The following LDLRAD4 variants were observed in gnomAD, a reference collection of about 807,000 sequenced individuals.
LDLRAD4 encodes the protein low density lipoprotein receptor class A domain containing 4.
Under a neutral mutation model 17.0 loss-of-function variants are expected in LDLRAD4, and 5 were observed. That is an observed-to-expected ratio of 0.29 (90% CI 0.15 to 0.62). The LOEUF is 0.62. LDLRAD4 is among the 20% of genes least tolerant of loss of function. The pLI, the probability that LDLRAD4 is intolerant of heterozygous loss-of-function variation, is 0.84. For synonymous variants in LDLRAD4, 168 were observed against 171.8 expected, an observed-to-expected ratio of 0.98 and a Z score of 0.17; for missense variants, 340 against 424.7, an observed-to-expected ratio of 0.80 and a Z score of 1.75.
At chr18:13,317,350 A>C (rs1402569897) in intron 1 of LDLRAD4, among the ~76,000 whole-genome samples, 1 of 152,204 alleles carries the variant, frequency 6.6e-6, no homozygotes, top group Non-Finnish European at 1.5e-5. Flanking sequence ...CACATCCCCA[A>C]AGCAATTTGG....
chr18:13,619,670 A>G lies in LDLRAD4; in HGVS notation c.182-1447A>G, dbSNP rs558964383. 2.0e-5 allele frequency among the ~76,000 whole-genome samples: 3 copies of G among 152,252 alleles called. No individual in the cohort carries two copies. In the East Asian group the frequency reaches 5.8e-4, roughly 29 times the overall value. On this transcript the variant is annotated intron_variant, in intron 3 of 5. Transcript: ENST00000359446. The stretch of plus-strand genomic sequence containing the variant: ...ACAGGCCACGGGGAACCCAAGAGCA[A>G]CAGCACCCCCTTGGCTGGGGCGGGG...
At chr18:13,304,403 G>C (rs574075463) in intron 1 of LDLRAD4, among the ~76,000 whole-genome samples, 1 of 152,328 alleles carries the variant, frequency 6.6e-6, no homozygotes, top group South Asian at 2.1e-4. Flanking sequence ...ATGGGAGATG[G>C]CCCTCTTGGT....
chr18:13,233,085 G>T (rs780171523), intron 1 of LDLRAD4, among the ~76,000 whole-genome samples: 4 of 152,244 alleles, frequency 2.6e-5, no homozygotes, highest in Admixed American at 6.5e-5. Flanking sequence ...TCTGCTTGTC[G>T]CCACACACAG....
intron 1 of LDLRAD4, among the ~76,000 whole-genome samples, chr18:13,363,313 C>T (rs1599684001): frequency 1.7e-5 from 2 of 118,772 alleles, no homozygotes; most frequent in Admixed American, 2.2e-4. Context: ...ACCTGGGCGA[C>T]AGAGCAAGAC....
chr18:13,378,525 GAGA>G (rs2085100633), intron 1 of LDLRAD4, among the ~76,000 whole-genome samples: 1 of 152,144 alleles, frequency 6.6e-6, no homozygotes, highest in African/African-American at 2.4e-5. Flanking sequence ...ATGATTTTCC[GAGA>G]AGGAGATGTA....
At chr18:13,358,781 C>G (rs981963883) in intron 1 of LDLRAD4, among the ~76,000 whole-genome samples, 40 of 152,086 alleles carry the variant, frequency 2.6e-4, no homozygotes, top group African/African-American at 9.7e-4. Context: ...TACCATATTT[C>G]CAGCTGGAAA....
At chr18:13,293,870 C>T (rs1281825497) in intron 1 of LDLRAD4, among the ~76,000 whole-genome samples, 3 of 152,132 alleles carry the variant, frequency 2.0e-5, no homozygotes, top group Non-Finnish European at 4.4e-5. Flanking sequence ...CTTTAGGTTC[C>T]AGAAAACGCT....
At position 13,473,663 on chromosome 18, in the gene LDLRAD4, ATATATATATATATAT is replaced by A. The variant is rs1568213834; in HGVS notation, c.181+35280_181+35294del. Among the ~76,000 whole-genome samples the A allele has an allele frequency of 6.5e-4, 71 of 109,588 alleles. No individual in the cohort carries two copies. The South Asian group carries it at 9.4e-3, about 14-fold the overall frequency. 71.9% of individuals were successfully genotyped at this position (109,588 alleles called of 152,430 possible). A position where few individuals can be genotyped will look rare whatever the true frequency, so the allele number is the denominator to read the frequency against. ...TATATATATATATATATATATATATATATATATATATATATAACGTTTACATTTTATATATATTTA... is the reference window on the plus strand; with the variant it reads ...TATATATATATATATATATATATATAAACGTTTACATTTTATATATATTTA... On this transcript the variant is annotated intron_variant, in intron 3 of 5. Coordinates refer to ENST00000359446, the Ensembl canonical transcript of LDLRAD4.
At chr18:13,347,447 A>G (rs2082758472) in intron 1 of LDLRAD4, among the ~76,000 whole-genome samples, 1 of 152,232 alleles carries the variant, frequency 6.6e-6, no homozygotes, top group Non-Finnish European at 1.5e-5. Flanking sequence ...ATCAGCTGTT[A>G]GTCTGATGGG....
At chr18:13,434,907 T>A (rs1252630803) in intron 2 of LDLRAD4, among the ~76,000 whole-genome samples, 2 of 152,216 alleles carry the variant, frequency 1.3e-5, no homozygotes, top group Non-Finnish European at 2.9e-5. Flanking sequence ...GCGCTGCCCA[T>A]TGGAGCCAGG....
At chr18:13,399,673 G>A (rs1229284871) in intron 2 of LDLRAD4, among the ~76,000 whole-genome samples, 1 of 152,238 alleles carries the variant, frequency 6.6e-6, no homozygotes, top group Non-Finnish European at 1.5e-5. Context: ...AGTGGCATCT[G>A]AGGACATCCT....
At position 13,283,621 on chromosome 18, in the gene LDLRAD4, G is replaced by A. The variant is rs141554124; in HGVS notation, c.-383+5433G>A. 7.1e-3 allele frequency among the ~76,000 whole-genome samples: 1,077 copies of A among 152,282 alleles called. 17 individuals carry two copies. The highest frequency in any genetic ancestry group is 0.024 in the African/African-American group (987 of 41,566). On this transcript the variant is annotated intron_variant, in intron 1 of 5. Coordinates refer to ENST00000359446, the Ensembl canonical transcript of LDLRAD4. Reference sequence around the variant, plus strand: ...CATTTTGGGCAAAGCCATTTAACAAGTCTCTAGGAAGTTTCAAACTTTCCC... The same window carrying A: ...CATTTTGGGCAAAGCCATTTAACAAATCTCTAGGAAGTTTCAAACTTTCCC...
At chr18:13,595,208 A>C (rs1434762609) in intron 3 of LDLRAD4, among the ~76,000 whole-genome samples, 1 of 151,294 alleles carries the variant, frequency 6.6e-6, no homozygotes, top group East Asian at 1.9e-4. Flanking sequence ...CTATTTTTCT[A>C]TTCTCTGTTT....
intron 1 of LDLRAD4, among the ~76,000 whole-genome samples, chr18:13,281,376 G>A (rs967536489): frequency 2.0e-5 from 3 of 152,122 alleles, no homozygotes; most frequent in Non-Finnish European, 2.9e-5. Context: ...GCAGTACAGC[G>A]AGATCCTGTC....
chr18:13,558,406 A>G (rs1312990412), intron 3 of LDLRAD4, among the ~76,000 whole-genome samples: 1 of 152,260 alleles, frequency 6.6e-6, no homozygotes, highest in Non-Finnish European at 1.5e-5. Flanking sequence ...CAGGTTGCCC[A>G]GGCCACGTGG....
At chr18:13,225,329 A>G (rs901558779) in intron 1 of LDLRAD4, among the ~76,000 whole-genome samples, 3 of 152,240 alleles carry the variant, frequency 2.0e-5, no homozygotes, top group Non-Finnish European at 4.4e-5. Context: ...CCACGGTATC[A>G]GGCAGGAAAG....
intron 3 of LDLRAD4, among the ~76,000 whole-genome samples, chr18:13,524,093 G>T (rs985357562): frequency 2.0e-5 from 3 of 152,200 alleles, no homozygotes; most frequent in Non-Finnish European, 2.9e-5. Context: ...ATCTTTAGCT[G>T]TCAGCACCTC....
chr18:13,220,585 A>G (rs764121953), intron 1 of LDLRAD4, among the ~76,000 whole-genome samples: 10 of 152,224 alleles, frequency 6.6e-5, no homozygotes, highest in Non-Finnish European at 1.2e-4. Context: ...ATATACATAC[A>G]TAGACAAATA....
intron 1 of LDLRAD4, among the ~76,000 whole-genome samples, chr18:13,316,392 A>G (rs1451933607): frequency 3.9e-5 from 6 of 152,238 alleles, no homozygotes; most frequent in Admixed American, 3.3e-4. Context: ...ACCAAAGGGC[A>G]TTTTCAGACA....
Sources: allele counts gnomAD v4.1 joint callset (sites outside exome capture counted in the v4.1 genomes callset), GRCh38; gene constraint gnomAD v4.1.1; transcripts MANE v1.5; gene names NCBI Gene and HGNC (gene_info 2026-07-23, HGNC 2026-07-21).